HS3ST5: variants seen among roughly 807,000 people sequenced by gnomAD.
The protein encoded by HS3ST5 is heparan sulfate-glucosamine 3-sulfotransferase 5, also known as heparan sulfate glucosamine 3-O-sulfotransferase 5.
In HS3ST5, 10 loss-of-function variants were observed where a neutral mutation model predicts 25.4. The ratio of observed to expected loss-of-function variants is 0.39; its 90% CI spans 0.24 to 0.67. HS3ST5 has a LOEUF of 0.67. Among genes scored for constraint, HS3ST5 ranks in the 30% least tolerant of loss-of-function variants. The pLI is 0.44. For missense variants in HS3ST5, 324 were observed against 420.7 expected, an observed-to-expected ratio of 0.77 and a Z score of 2.01; for synonymous variants, 170 against 162.4, an observed-to-expected ratio of 1.05 and a Z score of -0.36.
At chr6:114,138,976 T>C (rs1196639841) in intron 3 of HS3ST5, among the ~76,000 whole-genome samples, 3 of 152,172 alleles carry the variant, frequency 2.0e-5, no homozygotes, top group East Asian at 3.9e-4. Flanking sequence ...TCCCATTCAT[T>C]AGGGCTTCAG....
chr6:114,084,453 G>C (rs1050275094), intron 3 of HS3ST5: 8 of 756,830 alleles, frequency 1.1e-5, no homozygotes, highest in African/African-American at 8.5e-5. Context: ...TGTAGAAGTA[G>C]AGATCAGGCA....
chr6:114,312,886 C>A (rs549378667), intron 1 of HS3ST5, among the ~76,000 whole-genome samples: 2 of 151,298 alleles, frequency 1.3e-5, no homozygotes, highest in African/African-American at 4.9e-5. Context: ...AAAAATCAGC[C>A]GAGCATGGTG....
At chr6:114,268,541 A>T (rs1773507943) in intron 1 of HS3ST5, among the ~76,000 whole-genome samples, 1 of 152,212 alleles carries the variant, frequency 6.6e-6, no homozygotes, top group Admixed American at 6.5e-5. Context: ...ATGAGCGCTG[A>T]CCAATTATCA....
intron 3 of HS3ST5, among the ~76,000 whole-genome samples, chr6:114,136,559 C>T (rs2114921942): frequency 6.6e-6 from 1 of 152,294 alleles, no homozygotes; most frequent in South Asian, 2.1e-4. Flanking sequence ...TAGAAGTTAA[C>T]ATGTTTTTGT....
chr6:114,261,906 C>T (rs1287666273), intron 1 of HS3ST5, among the ~76,000 whole-genome samples: 1 of 152,164 alleles, frequency 6.6e-6, no homozygotes, highest in Non-Finnish European at 1.5e-5. Context: ...ATGAGGAAGA[C>T]AGTCTGTGTC....
intron 1 of HS3ST5, among the ~76,000 whole-genome samples, chr6:114,310,338 G>C (rs1775476261): frequency 6.6e-6 from 1 of 152,102 alleles, no homozygotes; most frequent in Non-Finnish European, 1.5e-5. Flanking sequence ...AAAGGTTTGG[G>C]ATTCTAGATT....
chr6:114,334,990 T>C (rs1036584252), intron 1 of HS3ST5, among the ~76,000 whole-genome samples: 2 of 152,170 alleles, frequency 1.3e-5, no homozygotes, highest in African/African-American at 2.4e-5. Context: ...TTTTGTTCAT[T>C]GCAAGGAAGA....
At chr6:114,094,257 T>C (rs1025020569) in intron 3 of HS3ST5, among the ~76,000 whole-genome samples, 3 of 152,158 alleles carry the variant, frequency 2.0e-5, no homozygotes, top group African/African-American at 7.2e-5. Context: ...CAAGAAGAGG[T>C]GCACAAGGAA....
At chr6:114,199,275 C>A (rs1008397508) in intron 2 of HS3ST5, among the ~76,000 whole-genome samples, 1 of 151,832 alleles carries the variant, frequency 6.6e-6, no homozygotes, top group Non-Finnish European at 1.5e-5. Flanking sequence ...TTTTTATGGC[C>A]GTAAAGGATG....
rs753492435 is a variant in HS3ST5 at position 114,057,236 on chromosome 6, A to T, written c.*21T>A. 2.0e-6 allele frequency: 3 copies of T among 1,493,726 alleles called. No homozygotes were observed. In the Admixed American group the frequency reaches 5.2e-5, roughly 26 times the overall value. The allele number at this position is 1,493,726 out of a possible 1,614,324, so 92.5% of individuals were successfully genotyped here. On this transcript the variant is annotated 3_prime_UTR_variant, in exon 5 of 5. Transcript: ENST00000312719. ...TTGTGTGTCTCCAGGCACAACACAT[A>T]GTGTTGTATGACATATTATTTTAGG... is the stretch of plus-strand genomic sequence containing the variant.
intron 3 of HS3ST5, among the ~76,000 whole-genome samples, chr6:114,128,545 A>G (rs1777161337): frequency 6.6e-6 from 1 of 152,230 alleles, no homozygotes; most frequent in African/African-American, 2.4e-5. Context: ...TCTCAGAGAA[A>G]AATTAATGAT....
chr6:114,066,043 A>G (rs761607852), intron 3 of HS3ST5, among the ~76,000 whole-genome samples: 2 of 152,172 alleles, frequency 1.3e-5, no homozygotes, highest in African/African-American at 2.4e-5. Flanking sequence ...CCAGGATCCA[A>G]TCACCCACCT....
At chr6:114,154,682 C>T (rs1778614186) in intron 3 of HS3ST5, among the ~76,000 whole-genome samples, 1 of 152,076 alleles carries the variant, frequency 6.6e-6, no homozygotes, top group African/African-American at 2.4e-5. Flanking sequence ...ACTTCATCTG[C>T]TTACTTTGCT....
intron 3 of HS3ST5, among the ~76,000 whole-genome samples, chr6:114,121,482 A>G (rs954307539): frequency 1.3e-5 from 2 of 152,218 alleles, no homozygotes; most frequent in African/African-American, 4.8e-5. Flanking sequence ...AAGCAAAAAA[A>G]GGAAAAATGT....
chr6:114,073,278 A>C (rs1364527133), intron 3 of HS3ST5, among the ~76,000 whole-genome samples: 1 of 152,240 alleles, frequency 6.6e-6, no homozygotes, highest in African/African-American at 2.4e-5. Context: ...CACCAAAGCC[A>C]AAATAGACAA....
intron 1 of HS3ST5, among the ~76,000 whole-genome samples, chr6:114,293,154 T>C (rs1774658318): frequency 6.6e-6 from 1 of 152,042 alleles, no homozygotes; most frequent in Non-Finnish European, 1.5e-5. Context: ...AGGAGTGGTG[T>C]CTCTGAGCTG....
Position 114,107,423 on chromosome 6 carries a change from A to T in HS3ST5, c.-32-44546T>A, listed in dbSNP as rs536629458. ...TAGAGATCATCACCAAAAAACCTGCAGCTAACATCATACTTAATAAGACTT... is the reference window on the plus strand; with the variant it reads ...TAGAGATCATCACCAAAAAACCTGCTGCTAACATCATACTTAATAAGACTT... On this transcript the variant is annotated intron_variant, in intron 3 of 4. Coordinates refer to ENST00000312719, the MANE Select transcript of HS3ST5 (RefSeq NM_153612.4). 3.9e-5 allele frequency among the ~76,000 whole-genome samples: 6 copies of T among 152,338 alleles called. 1 individual carries two copies. The East Asian group carries it at 1.2e-3, about 29-fold the overall frequency.
At chr6:114,097,995 G>A (rs776899880) in intron 3 of HS3ST5, among the ~76,000 whole-genome samples, 1 of 151,902 alleles carries the variant, frequency 6.6e-6, no homozygotes, top group East Asian at 1.9e-4. Context: ...CATGACTCAT[G>A]TACAGACATT....
Position 114,226,701 on chromosome 6 carries a change from GTTT to G in HS3ST5, c.-145+1881_-145+1883del, listed in dbSNP as rs577373026. 2.1e-3 allele frequency among the ~76,000 whole-genome samples: 326 copies of G among 152,044 alleles called. 4 individuals are homozygous for G. Among genetic ancestry groups the G allele is most frequent in the East Asian group, 2.3e-3 (12 of 5,182 alleles). The stretch of plus-strand genomic sequence containing the variant: ...TCTGTAATTTATTCTTCTGTTGCAT[GTTT>G]TGCTTCCTGCGTATTGAGACTGTCT... On this transcript the variant is annotated intron_variant, in intron 2 of 4. Coordinates refer to ENST00000312719, the MANE Select transcript of HS3ST5 (RefSeq NM_153612.4).
Sources: allele counts gnomAD v4.1 joint callset (sites outside exome capture counted in the v4.1 genomes callset), GRCh38; gene constraint gnomAD v4.1.1; transcripts MANE v1.5; gene names NCBI Gene and HGNC (gene_info 2026-07-23, HGNC 2026-07-21).